The following RELN variants were observed in gnomAD, a reference collection of about 807,000 sequenced individuals.
RELN encodes the protein reelin.
Under a neutral mutation model 427.6 loss-of-function variants are expected in RELN, and 108 were observed. The observed-to-expected ratio is 0.25, with a 90% CI of 0.22 to 0.30. The LOEUF is 0.30. Among genes scored for constraint, RELN ranks in the 10% least tolerant of loss-of-function variants. The pLI is 1.00. For synonymous variants in RELN, 1,524 were observed against 1,513.4 expected, an observed-to-expected ratio of 1.01 and a Z score of -0.16; for missense variants, 3,715 against 4,302.8, an observed-to-expected ratio of 0.86 and a Z score of 3.82.
At chr7:103,631,698 AGT>A (rs1291365996) in intron 19 of RELN, among the ~76,000 whole-genome samples, 2 of 152,164 alleles carry the variant, frequency 1.3e-5, no homozygotes, top group African/African-American at 4.8e-5. Context: ...TTATTAGAAG[AGT>A]CAGGTTTTGT....
intron 2 of RELN, among the ~76,000 whole-genome samples, chr7:103,887,402 T>C (rs1541540): frequency 0.78 from 119,062 of 152,060 alleles, 46,655 homozygotes; most frequent in East Asian, 0.87. Flanking sequence ...ACACACAAGA[T>C]CAAACCAAAA....
At chr7:103,875,834 T>C (rs1794465870) in intron 2 of RELN, among the ~76,000 whole-genome samples, 2 of 152,264 alleles carry the variant, frequency 1.3e-5, no homozygotes, top group South Asian at 4.1e-4. Context: ...AGAAAGATGA[T>C]TCTGAAATGA....
At chr7:103,570,257 T>C (rs541371193) in intron 31 of RELN, among the ~76,000 whole-genome samples, 3 of 152,218 alleles carry the variant, frequency 2.0e-5, no homozygotes, top group African/African-American at 4.8e-5. Flanking sequence ...GTCTATTGTA[T>C]GATAAGCAGA....
chr7:103,711,501 C>T (rs1265505505), intron 8 of RELN, among the ~76,000 whole-genome samples: 1 of 152,082 alleles, frequency 6.6e-6, no homozygotes, highest in Non-Finnish European at 1.5e-5. Context: ...AATGACAGGA[C>T]AAGAATAAAG....
At chr7:103,947,846 TTAG>T in intron 1 of RELN, among the ~76,000 whole-genome samples, 1 of 152,368 alleles carries the variant, frequency 6.6e-6, no homozygotes, top group Middle Eastern at 3.4e-3. Context: ...TCAATCATGC[TTAG>T]GAGAATTATA....
chr7:103,898,000 T>C (rs1221571009), intron 2 of RELN, among the ~76,000 whole-genome samples: 5 of 152,150 alleles, frequency 3.3e-5, no homozygotes, highest in Admixed American at 6.6e-5. Flanking sequence ...TAGTTATTCA[T>C]AGAAAATAAA....
At chr7:103,701,706 T>C (rs937654243) in intron 8 of RELN, among the ~76,000 whole-genome samples, 2 of 152,312 alleles carry the variant, frequency 1.3e-5, no homozygotes, top group East Asian at 1.9e-4. Context: ...TAATAAAGCA[T>C]AGTATGACTA....
chr7:103,779,048 A>G (rs1345975532), intron 3 of RELN, among the ~76,000 whole-genome samples: 2 of 152,196 alleles, frequency 1.3e-5, no homozygotes, highest in Non-Finnish European at 2.9e-5. Context: ...ACTGAAGGTT[A>G]CACAGCCCAT....
At chr7:103,918,370 G>A (rs1474076356) in intron 1 of RELN, among the ~76,000 whole-genome samples, 1 of 152,134 alleles carries the variant, frequency 6.6e-6, no homozygotes, top group African/African-American at 2.4e-5. Flanking sequence ...ATACCTATAA[G>A]AGGGATACTA....
chr7:103,779,316 A>T (rs1253500717), intron 3 of RELN, among the ~76,000 whole-genome samples: 1 of 152,238 alleles, frequency 6.6e-6, no homozygotes, highest in Non-Finnish European at 1.5e-5. Context: ...AGCACAGCAC[A>T]CCATGTGCTC....
At chr7:103,698,638 G>A (rs1312541270) in intron 9 of RELN, among the ~76,000 whole-genome samples, 1 of 151,988 alleles carries the variant, frequency 6.6e-6, no homozygotes, top group Non-Finnish European at 1.5e-5. Flanking sequence ...TCAGCATCTT[G>A]AGTAGCTAGG....
At chr7:103,718,885 T>C (rs1378547875) in intron 8 of RELN, among the ~76,000 whole-genome samples, 1 of 152,156 alleles carries the variant, frequency 6.6e-6, no homozygotes, top group Non-Finnish European at 1.5e-5. Flanking sequence ...GTAAGCTAAA[T>C]TGAACAAGTA....
intron 63 of RELN, among the ~76,000 whole-genome samples, chr7:103,479,991 T>A (rs1828173816): frequency 6.6e-6 from 1 of 152,180 alleles, no homozygotes. Flanking sequence ...TTTCTAAAAA[T>A]TCCTAAGTGA....
chr7:103,604,498 T>C lies in RELN; in HGVS notation c.3009-15A>G, dbSNP rs757301431. On this transcript the variant is annotated splice_polypyrimidine_tract_variant and intron_variant, in intron 22 of 64. Coordinates refer to ENST00000428762, the MANE Select transcript of RELN (RefSeq NM_005045.4). ...TAGCACTGGACCTAGAAACACGGTA[T>C]AGTATAACAAAAACGGTTTCAACCT... The C allele has an allele frequency of 9.3e-6, 15 of 1,613,526 alleles. No homozygotes were observed. The African/African-American group carries it at 1.7e-4, about 19-fold the overall frequency.
At chr7:103,628,533 T>C (rs1832380115) in intron 20 of RELN, among the ~76,000 whole-genome samples, 3 of 152,242 alleles carry the variant, frequency 2.0e-5, no homozygotes, top group African/African-American at 7.2e-5. Flanking sequence ...AGCTGTCATT[T>C]TGATGCTAGA....
chr7:103,877,748 C>G (rs1484324124), intron 2 of RELN, among the ~76,000 whole-genome samples: 1 of 152,104 alleles, frequency 6.6e-6, no homozygotes, highest in African/African-American at 2.4e-5. Context: ...ATCCTAAACT[C>G]CTTCCAGTTA....
chr7:103,774,488 T>C (rs1018045169), intron 4 of RELN, among the ~76,000 whole-genome samples: 14 of 152,122 alleles, frequency 9.2e-5, no homozygotes, highest in African/African-American at 3.1e-4. Flanking sequence ...GCTTGAATTG[T>C]TTAATTTAAT....
At chr7:103,954,301 A>G (rs1206808520) in intron 1 of RELN, among the ~76,000 whole-genome samples, 1 of 152,124 alleles carries the variant, frequency 6.6e-6, no homozygotes, top group African/African-American at 2.4e-5. Flanking sequence ...CGTGTAATTC[A>G]TATCCTGCTT....
chr7:103,815,668 G>A (rs1792852345), intron 3 of RELN, among the ~76,000 whole-genome samples: 1 of 152,184 alleles, frequency 6.6e-6, no homozygotes, highest in African/African-American at 2.4e-5. Flanking sequence ...CTAAAGTGCT[G>A]TAATAACAGT....
Sources: gnomAD v4.1 joint callset for allele counts (sites outside exome capture counted in the v4.1 genomes callset) on GRCh38, gnomAD v4.1.1 for gene constraint, MANE v1.5 for transcripts, NCBI Gene and HGNC (gene_info 2026-07-23, HGNC 2026-07-21) for gene names.